Variants in MED15 observed in about 807,000 individuals in gnomAD.
The protein encoded by MED15 is mediator complex subunit 15.
MED15 carries 41 observed loss-of-function variants against 118.7 expected under a neutral mutation model. That is an observed-to-expected ratio of 0.35 (90% CI 0.27 to 0.45). MED15 has a LOEUF of 0.45. MED15 is among the 20% of genes least tolerant of loss of function. MED15 has a pLI of 1.00. For missense variants in MED15, 740 were observed against 1,025.5 expected (o/e 0.72, Z 3.80); for synonymous variants, 436 against 413.9 (o/e 1.05, Z -0.65).
chr22:20,570,930 A>G (rs1264663396), intron 8 of MED15, among the ~76,000 whole-genome samples: 3 of 148,728 alleles, frequency 2.0e-5, no homozygotes, highest in Non-Finnish European at 4.5e-5. Flanking sequence ...ATATCCAGCT[A>G]ATTTTTTTTT....
chr22:20,553,081 A>T (rs372267551), intron 3 of MED15, 64 bp from the exon 4 acceptor site: 2 of 1,505,390 alleles, frequency 1.3e-6, no homozygotes, highest in Admixed American at 3.4e-5. Flanking sequence ...TGACCTACCC[A>T]TGGAAATATG....
At chr22:20,536,789 T>C (rs1210948357) in intron 1 of MED15, among the ~76,000 whole-genome samples, 1 of 152,216 alleles carries the variant, frequency 6.6e-6, no homozygotes, top group East Asian at 1.9e-4. Context: ...AGTAGTCTAA[T>C]GCGTACTTCC....
intron 2 of MED15, among the ~76,000 whole-genome samples, chr22:20,538,936 G>T (rs1450976030): frequency 6.6e-6 from 1 of 151,916 alleles, no homozygotes; most frequent in Non-Finnish European, 1.5e-5. Context: ...CCTGAGCTCA[G>T]GTGATCCGCC....
Position 20,585,139 on chromosome 22 carries a change from A to T in MED15, c.2003A>T (p.Asp668Val). ...VVCTRKRRLEDDERQSIPSVL... is the reference protein window; with the variant it reads ...VVCTRKRRLEVDERQSIPSVL... ...TGCACCCGGAAGCGCAGGCTTGAGGATGATGAGCGGCAGAGCATCCCCAGT... is the reference window on the plus strand; with the variant it reads ...TGCACCCGGAAGCGCAGGCTTGAGGTTGATGAGCGGCAGAGCATCCCCAGT... The change falls in exon 16 of 18, where the codon GAT becomes GTT. Residue 668 changes from aspartate to valine, a missense_variant. By Grantham distance (152) the Asp-to-Val change is radical. Coordinates refer to ENST00000263205, the MANE Select transcript of MED15 (RefSeq NM_001003891.3). 1.9e-6 allele frequency: 3 copies of T among 1,613,660 alleles called. No individual in the cohort carries two copies. The highest frequency in any genetic ancestry group is 2.5e-6 in the Non-Finnish European group (3 of 1,179,970).
chr22:20,582,445 G>T, intron 9 of MED15, 166 bp from the exon 10 acceptor site: 1 of 1,132,848 alleles, frequency 8.8e-7, no homozygotes, highest in East Asian at 2.7e-5. Context: ...TGTGTGCCAG[G>T]CTGGGGGAGT....
intron 2 of MED15, chr22:20,551,201 C>G (rs990412729): frequency 3.0e-6 from 2 of 667,132 alleles, no homozygotes; most frequent in South Asian, 3.0e-5. Flanking sequence ...GAGGAGTGGC[C>G]GTTGGAGGCT....
intron 1 of MED15, among the ~76,000 whole-genome samples, chr22:20,532,227 C>G (rs2054890181): frequency 6.6e-6 from 1 of 152,170 alleles, no homozygotes; most frequent in African/African-American, 2.4e-5. Context: ...AAGATTTGAA[C>G]TTTGGAGAAT....
intron 1 of MED15, among the ~76,000 whole-genome samples, chr22:20,535,824 G>T (rs1298656316): frequency 6.7e-6 from 1 of 150,330 alleles, no homozygotes; most frequent in African/African-American, 2.4e-5. Flanking sequence ...CTCCCAAAGT[G>T]CTGGGACTAC....
At chr22:20,536,077 T>C (rs2055070331) in intron 1 of MED15, among the ~76,000 whole-genome samples, 1 of 151,880 alleles carries the variant, frequency 6.6e-6, no homozygotes, top group Non-Finnish European at 1.5e-5. Flanking sequence ...GGTTTCACCA[T>C]GTTGGTCAGG....
chr22:20,513,701 T>G (rs1305500439), intron 1 of MED15, among the ~76,000 whole-genome samples: 1 of 152,102 alleles, frequency 6.6e-6, no homozygotes, highest in African/African-American at 2.4e-5. Flanking sequence ...TGGGACTCAG[T>G]GGTGAGCTCC....
chr22:20,584,229 C>A, intron 13 of MED15, 130 bp from the exon 14 acceptor site: 1 of 897,750 alleles, frequency 1.1e-6, no homozygotes, highest in Middle Eastern at 3.4e-4. Context: ...GGTCTGGGAA[C>A]AGCTGGTCAA....
chr22:20,512,947 G>A (rs2054125429), intron 1 of MED15, among the ~76,000 whole-genome samples: 1 of 151,806 alleles, frequency 6.6e-6, no homozygotes, highest in Non-Finnish European at 1.5e-5. Flanking sequence ...TCACCATGTT[G>A]GTCAGGCTGG....
intron 1 of MED15, among the ~76,000 whole-genome samples, chr22:20,536,024 G>T (rs1351154433): frequency 6.6e-6 from 1 of 151,886 alleles, no homozygotes; most frequent in Non-Finnish European, 1.5e-5. Context: ...TTACAGGCAT[G>T]CGCAACCACA....
At chr22:20,534,191 C>G (rs1318859385) in intron 1 of MED15, among the ~76,000 whole-genome samples, 1 of 151,960 alleles carries the variant, frequency 6.6e-6, no homozygotes, top group Admixed American at 6.6e-5. Flanking sequence ...CAGCCAGCCT[C>G]CAGGCCGTCC....
At chr22:20,560,031 C>T (rs749570913) in intron 5 of MED15, among the ~76,000 whole-genome samples, 89 of 152,262 alleles carry the variant, frequency 5.8e-4, no homozygotes, top group Non-Finnish European at 1.0e-3. Context: ...TGGGATGTCA[C>T]TACTGTGGGG....
In MED15 at chr22:20,545,489, A is replaced by G. The variant is rs542452014; in HGVS notation, c.157-5947A>G. ...ACTCCACCTCAAAAAAAAAAAAAAA[A>G]AAAAGAAACAAAATGCTTTAAAATT... On this transcript the variant is annotated intron_variant, in intron 2 of 17. Coordinates refer to ENST00000263205, the MANE Select transcript of MED15 (RefSeq NM_001003891.3). Among the ~76,000 whole-genome samples, 97 of 151,640 alleles carry G rather than the reference A, an allele frequency of 6.4e-4. 1 individual carries two copies. The highest frequency in any genetic ancestry group is 2.0e-3 in the African/African-American group (83 of 41,382).
Position 20,553,729 on chromosome 22 carries a change from G to A in MED15, c.238+555G>A, listed in dbSNP as rs934088962. Among the ~76,000 whole-genome samples the A allele has an allele frequency of 3.9e-5, 6 of 152,114 alleles. No homozygotes were observed. The East Asian group carries it at 9.7e-4, about 25-fold the overall frequency. On this transcript the variant is annotated intron_variant, in intron 4 of 17. Transcript: ENST00000263205. ...CTCTACTAAAAATACAAAAATAGCC[G>A]GGTGTGGTGGCATGCGTTGTAGTCC...
At chr22:20,527,479 T>G (rs1019171278) in intron 1 of MED15, among the ~76,000 whole-genome samples, 3 of 151,994 alleles carry the variant, frequency 2.0e-5, no homozygotes, top group African/African-American at 7.2e-5. Flanking sequence ...TTTCACTTTA[T>G]TGCCCAGGCT....
intron 9 of MED15, among the ~76,000 whole-genome samples, chr22:20,577,674 G>A (rs745782947): frequency 5.3e-5 from 8 of 151,762 alleles, no homozygotes; most frequent in Non-Finnish European, 1.2e-4. Context: ...GGGTGAGAGC[G>A]CTCTCATGGG....
Sources: allele counts gnomAD v4.1 joint callset (sites outside exome capture counted in the v4.1 genomes callset), GRCh38; gene constraint gnomAD v4.1.1; transcripts MANE v1.5; gene names NCBI Gene and HGNC (gene_info 2026-07-23, HGNC 2026-07-21).